Variants in DDI2 observed in about 807,000 individuals in gnomAD.
DDI2 encodes the protein DDI proteasomal shuttling factor 2.
Under a neutral mutation model 48.1 loss-of-function variants are expected in DDI2, and 5 were observed. The ratio of observed to expected loss-of-function variants is 0.10; its 90% confidence interval spans 0.05 to 0.22. The LOEUF (loss-of-function observed/expected upper bound fraction) is 0.22. DDI2 is among the 10% of genes least tolerant of loss of function. The pLI is 1.00. For synonymous variants in DDI2, 205 were observed against 183.6 expected (o/e 1.12, Z -0.94); for missense variants, 285 against 506.2 (o/e 0.56, Z 4.19).
intron 8 of DDI2, among the ~76,000 whole-genome samples, chr1:15,652,446 CGGAGG>C (rs1404929083): frequency 0.035 from 550 of 15,912 alleles, 120 homozygotes; most frequent in African/African-American, 0.082. Flanking sequence ...TGGGAGGCTC[CGGAGG>C]GGGGGGGGGG....
intron 7 of DDI2, among the ~76,000 whole-genome samples, chr1:15,650,663 G>C (rs1037544848): frequency 4.6e-5 from 7 of 152,132 alleles, no homozygotes; most frequent in African/African-American, 1.4e-4. Context: ...CTTGAGACCA[G>C]GCTGCAGTGA....
rs138865412 is a variant in DDI2, at chr1:15,657,651, T to C, written c.*46+972T>C. ...CACTTGTTTATAACTAACACACAAA[T>C]ACCAGAAGGCCCTTACCATACCTCT... is the stretch of plus-strand genomic sequence containing the variant. On this transcript the variant is annotated intron_variant, in intron 9 of 9. Transcript: ENST00000480945. Among the ~76,000 whole-genome samples, 125 of 152,298 alleles carry C rather than the reference T, an allele frequency of 8.2e-4. 1 individual carries two copies. In the East Asian group the frequency reaches 0.023, roughly 28 times the overall value.
intron 1 of DDI2, among the ~76,000 whole-genome samples, chr1:15,626,237 T>C (rs549724531): frequency 5.2e-4 from 79 of 152,342 alleles, no homozygotes; most frequent in Non-Finnish European, 9.8e-4. Flanking sequence ...TCAAGTAGTT[T>C]ACATTTAATG....
chr1:15,626,604 C>CCTT, intron 1 of DDI2, 65 bp from the exon 2 acceptor site: 1 of 1,591,548 alleles, frequency 6.3e-7, no homozygotes, highest in South Asian at 1.1e-5. Flanking sequence ...GAAAACTGGT[C>CCTT]CTTCTGCCTT....
At chr1:15,651,630 G>A in intron 7 of DDI2, 76 bp from the exon 8 acceptor site, 3 of 1,399,604 alleles carry the variant, frequency 2.1e-6, no homozygotes, top group Non-Finnish European at 2.9e-6. Flanking sequence ...TTTGTGATTG[G>A]AGTTTTAAAT....
At chr1:15,622,569 G>T (rs940673916) in intron 1 of DDI2, among the ~76,000 whole-genome samples, 4 of 152,100 alleles carry the variant, frequency 2.6e-5, no homozygotes, top group African/African-American at 9.7e-5. Context: ...TTTTCTTGTT[G>T]TATGTTCTTA....
chr1:15,638,252 G>T, intron 4 of DDI2, 55 bp from the exon 5 acceptor site: 1 of 1,607,960 alleles, frequency 6.2e-7, no homozygotes, highest in South Asian at 1.1e-5. Context: ...CTTTGAAACT[G>T]ATTTCTCTCC....
intron 5 of DDI2, among the ~76,000 whole-genome samples, chr1:15,640,345 C>T (rs1159000300): frequency 6.6e-6 from 1 of 152,170 alleles, no homozygotes; most frequent in East Asian, 1.9e-4. Flanking sequence ...CCTGTTTTAT[C>T]CATAAGAAAA....
chr1:15,617,855 C>A, intron 1 of DDI2, 47 bp downstream of exon 1: 1 of 1,494,880 alleles, frequency 6.7e-7, no homozygotes, highest in East Asian at 2.5e-5. Flanking sequence ...AAGCCCTCCC[C>A]GCCTCGGGGC....
At chr1:15,658,575 C>A (rs796762833) in intron 9 of DDI2, among the ~76,000 whole-genome samples, 3 of 151,252 alleles carry the variant, frequency 2.0e-5, no homozygotes, top group African/African-American at 7.3e-5. Flanking sequence ...CCACCCTGAC[C>A]AACGTGGAGA....
In DDI2 at chr1:15,623,556, G is replaced by A. The variant is rs994732743; in HGVS notation, c.139-3113G>A. 2.8e-5 allele frequency among the ~76,000 whole-genome samples: 4 copies of A among 141,522 alleles called. No homozygotes were observed. In the East Asian group the frequency reaches 8.0e-4, roughly 28 times the overall value. 92.8% of individuals were successfully genotyped at this position (141,522 alleles called of 152,430 possible). On this transcript the variant is annotated intron_variant, in intron 1 of 9. Coordinates refer to ENST00000480945, the MANE Select transcript of DDI2 (RefSeq NM_032341.5). Reference sequence around the variant, plus strand: ...CTACAGGCATATGCTACCATGCCTGGCTTATTATTATTATTATTATTATTA... The same window carrying A: ...CTACAGGCATATGCTACCATGCCTGACTTATTATTATTATTATTATTATTA...
Position 15,661,678 on chromosome 1 carries a change from G to T in DDI2, c.*1888G>T, listed in dbSNP as rs1317870337. ...TCGAGTTGGTGGGAATGCAGACCTT[G>T]CACTTCTTGTTTTGCTCGCAAAAAA... On this transcript the variant is annotated 3_prime_UTR_variant, in exon 10 of 10. Transcript: ENST00000480945. The T allele has an allele frequency of 6.2e-7, 1 of 1,613,548 alleles. No homozygotes were observed.
intron 2 of DDI2, among the ~76,000 whole-genome samples, chr1:15,627,372 G>T (rs1234133767): frequency 6.6e-6 from 1 of 152,218 alleles, no homozygotes; most frequent in African/African-American, 2.4e-5. Context: ...AAAATTTGAT[G>T]CTTTTTCCAT....
chr1:15,644,952 C>T (rs1364124299), intron 6 of DDI2, among the ~76,000 whole-genome samples: 3 of 151,792 alleles, frequency 2.0e-5, no homozygotes, highest in African/African-American at 4.8e-5. Context: ...TGCAGTGGCA[C>T]GATCTCAGCT....
rs188067863 is a variant in DDI2, at chr1:15,634,129, G to A, written c.632+564G>A. On this transcript the variant is annotated intron_variant, in intron 4 of 9. Transcript: ENST00000480945. The stretch of plus-strand genomic sequence containing the variant: ...CTGTAATGCGGTGGTTCTCACCTGG[G>A]GCTATAGTAAAATCACATGAGAAAC... The A allele has an allele frequency of 3.4e-3, 623 of 181,508 alleles. 9 individuals are homozygous for A. The highest frequency in any genetic ancestry group is 0.02 in the South Asian group (188 of 9,280). 11.2% of individuals were successfully genotyped at this position (181,508 alleles called of 1,614,324 possible).
At position 15,660,844 on chromosome 1, in the gene DDI2, T is replaced by C. The variant is rs985307412; in HGVS notation, c.*1054T>C. On this transcript the variant is annotated 3_prime_UTR_variant, in exon 10 of 10. Transcript: ENST00000480945. ...TGAAATACCTGGAACAAATAAAGAATATGGCCATTACTCCTCTCCAAGTCT... is the reference window on the plus strand; with the variant it reads ...TGAAATACCTGGAACAAATAAAGAACATGGCCATTACTCCTCTCCAAGTCT... 6.2e-7 allele frequency: 1 copy of C among 1,614,164 alleles called. No individual in the cohort carries two copies. The highest frequency in any genetic ancestry group is 8.5e-7 in the Non-Finnish European group (1 of 1,180,030).
rs570836526 is a variant in DDI2, at chr1:15,666,951, C to G, written c.*7161C>G. On this transcript the variant is annotated 3_prime_UTR_variant, in exon 10 of 10. Coordinates refer to ENST00000480945, the MANE Select transcript of DDI2 (RefSeq NM_032341.5). Reference sequence around the variant, plus strand: ...TTAGGCCAGGTGCGTTGGCTCACACCTGTAATCCCAGCACTTTGGGAGGCC... The same window carrying G: ...TTAGGCCAGGTGCGTTGGCTCACACGTGTAATCCCAGCACTTTGGGAGGCC... 1 of 152,338 alleles carries G rather than the reference C, an allele frequency of 6.6e-6. No individual in the cohort carries two copies. Among genetic ancestry groups the G allele is most frequent in the South Asian group, 2.1e-4 (1 of 4,828 alleles). The allele number at this position is 152,338 out of a possible 1,614,324, so 9.4% of individuals were successfully genotyped here. A position where few individuals can be genotyped will look rare whatever the true frequency, so the allele number is the denominator to read the frequency against.
Position 15,661,801 on chromosome 1 carries a change from C to T in DDI2, c.*2011C>T, listed in dbSNP as rs980844519. The T allele has an allele frequency of 1.7e-5, 25 of 1,476,898 alleles. No homozygotes were observed. The Admixed American group carries it at 5.0e-4, about 29-fold the overall frequency. The allele number at this position is 1,476,898 out of a possible 1,614,324, so 91.5% of individuals were successfully genotyped here. Reference sequence around the variant, plus strand: ...CTCTCTATATACACGCACACATACACACTCACCACATATACAGTATATATA... The same window carrying T: ...CTCTCTATATACACGCACACATACATACTCACCACATATACAGTATATATA... On this transcript the variant is annotated 3_prime_UTR_variant, in exon 10 of 10. Transcript: ENST00000480945.
chr1:15,630,068 T>C (rs1423374405), intron 2 of DDI2, among the ~76,000 whole-genome samples: 1 of 152,158 alleles, frequency 6.6e-6, no homozygotes, highest in Non-Finnish European at 1.5e-5. Flanking sequence ...AAAAACCTGA[T>C]GTCTATTGTG....
Sources: gnomAD v4.1 joint callset for allele counts (sites outside exome capture counted in the v4.1 genomes callset) on GRCh38, gnomAD v4.1.1 for gene constraint, MANE v1.5 for transcripts, NCBI Gene and HGNC (gene_info 2026-07-23, HGNC 2026-07-21) for gene names.